The following TRIM62 variants were observed in gnomAD, a reference collection of about 807,000 sequenced individuals.
The protein encoded by TRIM62 is E3 ubiquitin-protein ligase TRIM62.
A neutral mutation model predicts 44.2 loss-of-function variants in TRIM62; 39 were observed. The observed-to-expected ratio is 0.88, with a 90% CI of 0.68 to 1.15. The LOEUF is 1.15. Among genes scored for constraint, TRIM62 ranks in the 50% most tolerant of loss-of-function variants. The pLI, the probability that TRIM62 is intolerant of heterozygous loss-of-function variation, is 0.00. For synonymous variants in TRIM62, 278 were observed against 292.3 expected (o/e 0.95, Z 0.50); for missense variants, 544 against 665.5 (o/e 0.82, Z 2.01).
Position 33,181,143 on chromosome 1 carries a change from T to C in TRIM62, c.290A>G (p.Asp97Gly). The change falls in exon 1 of 5, where the codon GAC becomes GGC. Residue 97 changes from aspartate (D) to glycine (G), a missense_variant. Transcript: ENST00000291416. The surrounding 1 kb of genome is among the most constrained non-coding windows in gnomAD (Gnocchi z 6.5). ...CGTGAGGCAGAAGAGCTTGACCTTG[T>C]CGTGCGCCTGGCAGGGTCGCGCGGC... ...RRAARPCQAH[D>G]KVKLFCLTDR... is the part of the protein sequence containing the mutation. 1 of 1,600,632 alleles carries C rather than the reference T, an allele frequency of 6.2e-7. No individual in the cohort carries two copies. The highest frequency in any genetic ancestry group is 8.5e-7 in the Non-Finnish European group (1 of 1,178,516).
rs1202368326 is a variant in TRIM62 at position 33,146,678 on chromosome 1, T to C, written c.*499A>G. ...GGAGAGGTTGGCTCTCAGGCAACCC[T>C]AGGACCAGGTACTACCTGTGACCAC... On this transcript the variant is annotated 3_prime_UTR_variant, in exon 5 of 5. Transcript: ENST00000291416. The C allele has an allele frequency of 1.2e-5, 2 of 170,612 alleles. No individual in the cohort carries two copies. Among genetic ancestry groups the C allele is most frequent in the African/African-American group, 4.8e-5 (2 of 41,768 alleles). 10.6% of individuals were successfully genotyped at this position (170,612 alleles called of 1,614,324 possible).
chr1:33,151,935 C>T (rs1384537561), intron 4 of TRIM62, among the ~76,000 whole-genome samples: 2 of 152,260 alleles, frequency 1.3e-5, no homozygotes, highest in Admixed American at 6.5e-5. Flanking sequence ...AGGCTTCGAA[C>T]ATGCAGAGGC....
In TRIM62 at chr1:33,159,846, C is replaced by A. The variant is rs1205981025; in HGVS notation, c.603G>T (p.Glu201Asp). Reference protein sequence around the residue: ...ERQKAMLEELEADTARTLTDI... With the variant: ...ERQKAMLEELDADTARTLTDI... Reference sequence around the variant, plus strand: ...CGGTCAGCGTGCGGGCCGTGTCCGCCTCCAGCTCCTCTAGCATGGCCTTCT... The same window carrying A: ...CGGTCAGCGTGCGGGCCGTGTCCGCATCCAGCTCCTCTAGCATGGCCTTCT... The change falls in exon 3 of 5, where the codon GAG becomes GAT. Residue 201 changes from glutamate (E) to aspartate (D), a missense_variant. By Grantham distance (45) the Glu-to-Asp change is conservative (BLOSUM62 2). Coordinates refer to ENST00000291416, the MANE Select transcript of TRIM62 (RefSeq NM_018207.3). This position sits in a 1 kb window ranked among gnomAD's most constrained non-coding sequence, Gnocchi z 4.2. 6.2e-7 allele frequency: 1 copy of A among 1,613,572 alleles called. No individual in the cohort carries two copies. The highest frequency in any genetic ancestry group is 1.1e-5 in the South Asian group (1 of 91,086).
Sources: gnomAD v4.1 joint callset for allele counts (sites outside exome capture counted in the v4.1 genomes callset) on GRCh38, gnomAD v4.1.1 for gene constraint, Gnocchi (gnomAD v3.1) non-coding constraint, MANE v1.5 for transcripts, NCBI Gene and HGNC (gene_info 2026-07-23, HGNC 2026-07-21) for gene names.